POU2F2: variants seen among roughly 807,000 people sequenced by gnomAD.
POU2F2 encodes the protein POU class 2 homeobox 2.
POU2F2 carries 14 observed loss-of-function variants against 63.5 expected under a neutral mutation model. The ratio of observed to expected loss-of-function variants is 0.22; its 90% CI spans 0.15 to 0.34. POU2F2 has a LOEUF of 0.34. Among genes scored for constraint, POU2F2 ranks in the 10% least tolerant of loss-of-function variants. POU2F2 has a pLI of 1.00. For synonymous variants in POU2F2, 306 were observed against 348.6 expected, an observed-to-expected ratio of 0.88 and a Z score of 1.36; for missense variants, 607 against 815.2, an observed-to-expected ratio of 0.74 and a Z score of 3.11.
At chr19:42,119,974 A>G (rs560660346) in intron 4 of POU2F2, among the ~76,000 whole-genome samples, 73 of 152,058 alleles carry the variant, frequency 4.8e-4, no homozygotes, top group Non-Finnish European at 1.0e-3. Context: ...GCTGGAGTGC[A>G]GTGGCACCAT....
chr19:42,108,144 A>G (rs1040282263), intron 5 of POU2F2, among the ~76,000 whole-genome samples: 2 of 152,144 alleles, frequency 1.3e-5, no homozygotes, highest in Admixed American at 1.3e-4. Context: ...CATAGCAATT[A>G]TCTGCTTCCT....
rs145680610 is a variant in POU2F2, at chr19:42,156,656, G to A, written c.-9+3676C>T. On this transcript the variant is annotated intron_variant, in intron 2 of 6. Coordinates refer to the POU2F2 transcript ENST00000524801. This position sits in a 1 kb window ranked among gnomAD's most constrained non-coding sequence, Gnocchi z 4.1. ...GTGTAATTCAGAAGGAGGCAGACTG[G>A]GCCTGGGGCATGTGGACAAGTCCCT... 1.3e-5 allele frequency: 2 copies of A among 152,378 alleles called. No individual in the cohort carries two copies. The highest frequency in any genetic ancestry group is 2.9e-5 in the Non-Finnish European group (2 of 68,058). 9.4% of individuals were successfully genotyped at this position (152,378 alleles called of 1,614,324 possible).
chr19:42,095,668 C>T lies in POU2F2; in HGVS notation c.897G>A (p.Leu299=), dbSNP rs767017068. Residue 299 remains leucine (L), a synonymous_variant, in exon 10 of 15, where the codon CTG becomes CTA. Coordinates refer to ENST00000692977, the MANE Select transcript of POU2F2 (RefSeq NM_001394376.1). The surrounding 1 kb of genome is among the most constrained non-coding windows in gnomAD (Gnocchi z 7.1). The part of the protein sequence containing the change: ...DAETMSVDSS[L]PSPNQLSSPS... ...GGCTGCTCAGCTGGTTGGGGCTGGG[C>T]AGGCTTGAGTCCACAGACATAGTCT... 6.2e-7 allele frequency: 1 copy of T among 1,612,194 alleles called. No homozygotes were observed. Among genetic ancestry groups the T allele is most frequent in the African/African-American group, 1.3e-5 (1 of 75,042 alleles).
rs1390466720 is a variant in POU2F2, at chr19:42,117,116, G to A, written c.369+134C>T. ...GCAAGTAAGGGGACAAGACCTCCTAGAGGACAGAAGAGGGCAAGAGGCAGG... is the reference window on the plus strand; with the variant it reads ...GCAAGTAAGGGGACAAGACCTCCTAAAGGACAGAAGAGGGCAAGAGGCAGG... On this transcript the variant is annotated intron_variant, in intron 5 of 14. Coordinates refer to ENST00000692977, the MANE Select transcript of POU2F2 (RefSeq NM_001394376.1). The surrounding 1 kb of genome is among the most constrained non-coding windows in gnomAD (Gnocchi z 4.4). The A allele has an allele frequency of 5.3e-6, 4 of 761,578 alleles. No homozygotes were observed. Among genetic ancestry groups the A allele is most frequent in the Non-Finnish European group, 8.7e-6 (4 of 458,070 alleles). The allele number at this position is 761,578 out of a possible 1,614,324, so 47.2% of individuals were successfully genotyped here. A position where few individuals can be genotyped will look rare whatever the true frequency, so the allele number is the denominator to read the frequency against.
rs1198863575 is a variant in POU2F2, at chr19:42,088,153, G to A, written c.*3104C>T. 1.3e-5 allele frequency: 2 copies of A among 152,214 alleles called. No homozygotes were observed. Among genetic ancestry groups the A allele is most frequent in the African/African-American group, 2.4e-5 (1 of 41,456 alleles). The allele number at this position is 152,214 out of a possible 1,614,324, so 9.4% of individuals were successfully genotyped here. A position where few individuals can be genotyped will look rare whatever the true frequency, so the allele number is the denominator to read the frequency against. ...GGGAGGGGGGCCCAGGGGGAGACCT[G>A]GGGCTCACCTGCCCCTCCCTCCCTC... On this transcript the variant is annotated 3_prime_UTR_variant, in exon 15 of 15. Coordinates refer to ENST00000692977, the MANE Select transcript of POU2F2 (RefSeq NM_001394376.1).
chr19:42,163,454 C>T (rs528510209), intron 1 of POU2F2, among the ~76,000 whole-genome samples: 2 of 152,040 alleles, frequency 1.3e-5, no homozygotes, highest in African/African-American at 2.4e-5. Context: ...AGGGGGGCAG[C>T]GGAAGGGATG....
At chr19:42,186,618 G>A (rs769118441) in intron 1 of POU2F2, among the ~76,000 whole-genome samples, 22 of 152,190 alleles carry the variant, frequency 1.4e-4, no homozygotes, top group Non-Finnish European at 2.6e-4. Flanking sequence ...ATATGAATCT[G>A]AGAGGACAAG....
chr19:42,146,032 C>CAAAAA (rs1004458482), intron 2 of POU2F2, among the ~76,000 whole-genome samples: 3 of 49,770 alleles, frequency 6.0e-5, no homozygotes, highest in Non-Finnish European at 8.9e-5. Flanking sequence ...GACTCCGTCT[C>CAAAAA]AAAAAAAAAA....
chr19:42,108,442 G>A (rs1022634806), intron 5 of POU2F2, among the ~76,000 whole-genome samples: 2 of 152,114 alleles, frequency 1.3e-5, no homozygotes, highest in African/African-American at 4.8e-5. Context: ...AGGCATGGTG[G>A]CACGTGCCTG....
chr19:42,092,802 A>C lies in POU2F2; in HGVS notation c.1265-532T>G, dbSNP rs1282829502. 6.6e-6 allele frequency among the ~76,000 whole-genome samples: 1 copy of C among 151,964 alleles called. No individual in the cohort carries two copies. Among genetic ancestry groups the C allele is most frequent in the Non-Finnish European group, 1.5e-5 (1 of 67,994 alleles). Reference sequence around the variant, plus strand: ...GGATAATAATAGACCCTATCTCATAAAATGAGTTTGAGAATTAAGTCAGTC... The same window carrying C: ...GGATAATAATAGACCCTATCTCATACAATGAGTTTGAGAATTAAGTCAGTC... On this transcript the variant is annotated intron_variant, in intron 12 of 14. Transcript: ENST00000692977. This position sits in a 1 kb window ranked among gnomAD's most constrained non-coding sequence, Gnocchi z 5.0.
chr19:42,165,483 G>T (rs913134108), intron 1 of POU2F2, among the ~76,000 whole-genome samples: 2 of 152,190 alleles, frequency 1.3e-5, no homozygotes, highest in South Asian at 4.1e-4. Flanking sequence ...TGGGGATCTG[G>T]GCTCCTGGAT....
intron 5 of POU2F2, among the ~76,000 whole-genome samples, chr19:42,111,633 C>T (rs536635636): frequency 6.6e-6 from 1 of 152,272 alleles, no homozygotes; most frequent in African/African-American, 2.4e-5. Context: ...GAAACCACGT[C>T]ATTACCACCC....
chr19:42,130,855 C>T (rs2033643562), intron 1 of POU2F2, among the ~76,000 whole-genome samples: 1 of 151,320 alleles, frequency 6.6e-6, no homozygotes, highest in Non-Finnish European at 1.5e-5. Context: ...TAATACCTCC[C>T]CGTCCTGGCC....
At chr19:42,134,492 GGGATCTTGAAGGA>G, upstream of POU2F2, 1 of 152,594 alleles carries the variant, frequency 6.6e-6, no homozygotes, top group East Asian at 1.9e-4. Context: ...GCCTGGTGAG[GGGATCTTGAAGGA>G]GGATGGGCCT....
intron 12 of POU2F2, 107 bp downstream of exon 12, chr19:42,093,722 G>A: frequency 1.7e-6 from 2 of 1,153,710 alleles, no homozygotes; most frequent in Non-Finnish European, 2.5e-6. Context: ...ACACTCCCCA[G>A]GCCCAGTCTT....
rs1166838132 is a variant in POU2F2, at chr19:42,124,319, G to GA, written c.29-1744dup. ...ACCCTGTCTCAAAAAAAAAAAAAAA[G>GA]AAAAAAAAAAAGAATGGAGCTAAAG... On this transcript the variant is annotated intron_variant, in intron 1 of 14. Coordinates refer to ENST00000692977, the MANE Select transcript of POU2F2 (RefSeq NM_001394376.1). Among the ~76,000 whole-genome samples, 70 of 82,670 alleles carry GA rather than the reference G, an allele frequency of 8.5e-4. 1 individual carries two copies. Among genetic ancestry groups the GA allele is most frequent in the African/African-American group, 1.6e-3 (35 of 22,358 alleles). The allele number at this position is 82,670 out of a possible 152,430, so 54.2% of individuals were successfully genotyped here. A position where few individuals can be genotyped will look rare whatever the true frequency, so the allele number is the denominator to read the frequency against.
intron 1 of POU2F2, among the ~76,000 whole-genome samples, chr19:42,127,531 C>T (rs537112876): frequency 1.3e-4 from 20 of 152,072 alleles, no homozygotes; most frequent in African/African-American, 4.3e-4. Flanking sequence ...TACATGTGCG[C>T]GCCACTACGA....
chr19:42,188,961 G>A (rs1400364057), intron 1 of POU2F2, among the ~76,000 whole-genome samples: 1 of 88,254 alleles, frequency 1.1e-5, no homozygotes, highest in Admixed American at 1.2e-4. Context: ...GGGAGTTTTG[G>A]GTTGATTTAA....
chr19:42,146,213 A>G (rs919633573), intron 2 of POU2F2, among the ~76,000 whole-genome samples: 3 of 152,172 alleles, frequency 2.0e-5, no homozygotes, highest in Non-Finnish European at 4.4e-5. Flanking sequence ...GCAAAGTTAA[A>G]TCACTTGGCT....
Sources: allele counts gnomAD v4.1 joint callset (sites outside exome capture counted in the v4.1 genomes callset), GRCh38; gene constraint gnomAD v4.1.1; non-coding constraint Gnocchi (gnomAD v3.1); transcripts MANE v1.5; gene names NCBI Gene and HGNC (gene_info 2026-07-23, HGNC 2026-07-21).